The following AKR1C3 variants were observed in gnomAD, a reference collection of about 807,000 sequenced individuals.
AKR1C3 encodes 3-alpha hydroxysteroid dehydrogenase, type II.
A neutral mutation model predicts 43.6 loss-of-function variants in AKR1C3; 48 were observed. That is an observed-to-expected ratio of 1.10 (90% CI 0.87 to 1.40). The LOEUF is 1.40. Among genes scored for constraint, AKR1C3 ranks in the 40% most tolerant of loss-of-function variants. AKR1C3 has a pLI of 0.00. For missense variants in AKR1C3, 482 were observed against 391.2 expected (o/e 1.23, Z -1.96); for synonymous variants, 162 against 139.6 (o/e 1.16, Z -1.13).
intron 1 of AKR1C3, among the ~76,000 whole-genome samples, chr10:5,052,769 A>G (rs1296754677): frequency 1.3e-5 from 2 of 152,026 alleles, no homozygotes; most frequent in African/African-American, 4.8e-5. Flanking sequence ...AGGTTCTCCA[A>G]GTCCCCACCA....
At chr10:5,096,682 G>A (rs1839215898) in intron 2 of AKR1C3, 105 bp downstream of exon 2, 4 of 1,461,980 alleles carry the variant, frequency 2.7e-6, no homozygotes, top group East Asian at 2.4e-5. Flanking sequence ...TTTGCTTCTG[G>A]GTTCAAATTT....
intron 1 of AKR1C3, among the ~76,000 whole-genome samples, chr10:5,074,868 T>G (rs1482923413): frequency 5.9e-5 from 9 of 152,232 alleles, no homozygotes; most frequent in African/African-American, 2.2e-4. Flanking sequence ...ATTGTTCACC[T>G]ACCCCATTTT....
chr10:5,098,682 T>C, intron 3 of AKR1C3, 120 bp from the exon 4 acceptor site: 1 of 768,054 alleles, frequency 1.3e-6, no homozygotes, highest in Non-Finnish European at 2.2e-6. Flanking sequence ...ACATATCACT[T>C]TCTGGAGCAT....
At chr10:5,061,004 A>C (rs1054889255) in intron 1 of AKR1C3, among the ~76,000 whole-genome samples, 1 of 152,188 alleles carries the variant, frequency 6.6e-6, no homozygotes, top group African/African-American at 2.4e-5. Context: ...GCACAGCCCC[A>C]GTTCCCTCCC....
chr10:5,094,329 T>G, upstream of AKR1C3: 7 of 1,100,094 alleles, frequency 6.4e-6, no homozygotes, highest in Non-Finnish European at 9.2e-6. Context: ...CTACATGCCA[T>G]TGGTTAACCA....
chr10:5,105,744 G>T, intron 8 of AKR1C3, 67 bp downstream of exon 8: 1 of 1,269,134 alleles, frequency 7.9e-7, no homozygotes, highest in East Asian at 2.4e-5. Flanking sequence ...TGGGTGTTGA[G>T]AGTGACCTCC....
intron 1 of AKR1C3, 62 bp downstream of exon 1, chr10:5,094,590 C>T (rs982321807): frequency 2.8e-5 from 44 of 1,562,888 alleles, no homozygotes; most frequent in African/African-American, 4.1e-5. Flanking sequence ...AAGTGAAACC[C>T]GTATTGGGTT....
intron 1 of AKR1C3, among the ~76,000 whole-genome samples, chr10:5,059,554 C>T (rs1169159029): frequency 2.0e-5 from 3 of 152,162 alleles, no homozygotes; most frequent in African/African-American, 7.2e-5. Flanking sequence ...ACCAATGGTC[C>T]CAACTCCGAA....
At chr10:5,077,739 A>G in intron 1 of AKR1C3, 1 of 1,182,454 alleles carries the variant, frequency 8.5e-7, no homozygotes, top group Non-Finnish European at 1.1e-6. Flanking sequence ...AAAAGAAAAA[A>G]AAAGGTGCAG....
At position 5,099,431 on chromosome 10, in the gene AKR1C3, C is replaced by T; in HGVS notation, c.552C>T (p.Tyr184=). Residue 184 remains tyrosine (Y), a synonymous_variant, in exon 5 of 9, where the codon TAC becomes TAT. Transcript: ENST00000380554. The stretch of plus-strand genomic sequence containing the variant: ...TCCTCAACAAGCCAGGACTCAAGTA[C>T]AAGCCTGTCTGCAACCAGGTGAGCT... ...EMILNKPGLK[Y]KPVCNQVECH... 6.2e-7 allele frequency: 1 copy of T among 1,614,198 alleles called. No individual in the cohort carries two copies. Among genetic ancestry groups the T allele is most frequent in the Non-Finnish European group, 8.5e-7 (1 of 1,180,032 alleles).
At chr10:5,050,086 T>C (rs1414091239) in intron 1 of AKR1C3, among the ~76,000 whole-genome samples, 2 of 152,218 alleles carry the variant, frequency 1.3e-5, no homozygotes, top group East Asian at 3.8e-4. Flanking sequence ...CAGCTCCTTA[T>C]CAGATCAAAA....
intron 1 of AKR1C3, among the ~76,000 whole-genome samples, chr10:5,061,645 A>G (rs1375871779): frequency 1.3e-5 from 2 of 152,232 alleles, no homozygotes; most frequent in Admixed American, 1.3e-4. Flanking sequence ...CCCAGAGCTG[A>G]GAGTCAGGCC....
At chr10:5,073,429 G>A (rs1838651026) in intron 1 of AKR1C3, among the ~76,000 whole-genome samples, 1 of 152,082 alleles carries the variant, frequency 6.6e-6, no homozygotes, top group Non-Finnish European at 1.5e-5. Context: ...ATCCCCATAG[G>A]CCCATAATTT....
upstream of AKR1C3, among the ~76,000 whole-genome samples, chr10:5,089,722 A>C (rs1839045766): frequency 6.6e-6 from 1 of 152,018 alleles, no homozygotes; most frequent in Non-Finnish European, 1.5e-5. Context: ...TGAATTCTAT[A>C]CCTGACGTTT....
At chr10:5,064,736 C>T (rs1413083645) in intron 1 of AKR1C3, among the ~76,000 whole-genome samples, 1 of 151,774 alleles carries the variant, frequency 6.6e-6, no homozygotes, top group East Asian at 1.9e-4. Flanking sequence ...TGAAGAGATG[C>T]TTTTTAAAAG....
At chr10:5,074,759 G>A (rs1435838575) in intron 1 of AKR1C3, among the ~76,000 whole-genome samples, 1 of 152,132 alleles carries the variant, frequency 6.6e-6, no homozygotes, top group Non-Finnish European at 1.5e-5. Flanking sequence ...TTGTCCACAA[G>A]GAAATTCCTG....
chr10:5,064,161 T>C (rs1376292754), intron 1 of AKR1C3, among the ~76,000 whole-genome samples: 15 of 152,212 alleles, frequency 9.9e-5, no homozygotes, highest in South Asian at 4.1e-4. Flanking sequence ...TTCCACCACA[T>C]CTGCAGTTAT....
At chr10:5,069,907 C>T (rs1361762297) in intron 1 of AKR1C3, among the ~76,000 whole-genome samples, 1 of 152,118 alleles carries the variant, frequency 6.6e-6, no homozygotes, top group African/African-American at 2.4e-5. Context: ...CTTCCGCCTT[C>T]TGCGCAGGGC....
chr10:5,083,677 A>G (rs1554782652), intron 1 of AKR1C3, among the ~76,000 whole-genome samples: 1 of 152,166 alleles, frequency 6.6e-6, no homozygotes, highest in African/African-American at 2.4e-5. Context: ...TGGTTGAACT[A>G]GTTTACAGTC....
Sources: gnomAD v4.1 joint callset for allele counts (sites outside exome capture counted in the v4.1 genomes callset) on GRCh38, gnomAD v4.1.1 for gene constraint, MANE v1.5 for transcripts, NCBI Gene and HGNC (gene_info 2026-07-23, HGNC 2026-07-21) for gene names.